EGLN2: variants seen among roughly 807,000 people sequenced by gnomAD.
EGLN2 encodes the protein egl-9 family hypoxia inducible factor 2.
EGLN2 carries 15 observed loss-of-function variants against 38.2 expected under a neutral mutation model. The ratio of observed to expected loss-of-function variants is 0.39; its 90% CI spans 0.26 to 0.60. The LOEUF is 0.60. Ranked by LOEUF, EGLN2 falls within the 20% of genes least tolerant of loss-of-function variation. EGLN2 has a pLI of 0.50. For synonymous variants in EGLN2, 284 were observed against 237.4 expected (o/e 1.20, Z -1.81); for missense variants, 492 against 570.4 (o/e 0.86, Z 1.40).
Position 40,800,904 on chromosome 19 carries a change from G to A in EGLN2, c.332G>A (p.Gly111Asp). The change falls in exon 2 of 6, where the codon GGC becomes GAC. Residue 111 changes from glycine to aspartate, a missense_variant. Physicochemically the swap from Gly to Asp is moderately conservative, Grantham distance 94. Coordinates refer to ENST00000303961, the MANE Select transcript of EGLN2 (RefSeq NM_080732.4). ...TKGCQRLAAQ[G>D]ARPEAPKRKW... ...GGGTGCCAGCGATTGGCAGCCCAGG[G>A]CGCACGGCCTGAGGCCCCCAAACGG... is the stretch of plus-strand genomic sequence containing the variant. 1 of 1,610,024 alleles carries A rather than the reference G, an allele frequency of 6.2e-7. No individual in the cohort carries two copies. Among genetic ancestry groups the A allele is most frequent in the South Asian group, 1.1e-5 (1 of 90,656 alleles).
rs915930847 is a variant in EGLN2, at chr19:40,800,495, G to A, written c.-78G>A. 45 of 1,468,330 alleles carry A rather than the reference G, an allele frequency of 3.1e-5. No individual in the cohort carries two copies. The Admixed American group carries it at 4.4e-4, about 14-fold the overall frequency. The allele number at this position is 1,468,330 out of a possible 1,614,324, so 91.0% of individuals were successfully genotyped here. ...GCCCCCAGCTGCATCAAGTGGAGGCGGAGGAGGAGGCGGAGGAGGGTGGCA... is the reference window on the plus strand; with the variant it reads ...GCCCCCAGCTGCATCAAGTGGAGGCAGAGGAGGAGGCGGAGGAGGGTGGCA... On this transcript the variant is annotated 5_prime_UTR_variant, in exon 2 of 6. Coordinates refer to ENST00000303961, the MANE Select transcript of EGLN2 (RefSeq NM_080732.4).
chr19:40,807,078 C>G, intron 3 of EGLN2, 60 bp from the exon 4 acceptor site: 1 of 1,601,262 alleles, frequency 6.2e-7, no homozygotes, highest in African/African-American at 1.3e-5. Flanking sequence ...TCCCGGGGCA[C>G]CGTGGGAGGC....
At position 40,808,273 on chromosome 19, in the gene EGLN2, C is replaced by T. The variant is rs2083320650; in HGVS notation, c.*409C>T. On this transcript the variant is annotated 3_prime_UTR_variant, in exon 6 of 6. Transcript: ENST00000303961. ...AGGAGTACCCCCAAGTCCTCTCACT[C>T]CTCCAGCCTGGAATGTGAAGTGACT... The T allele has an allele frequency of 2.4e-6, 1 of 415,844 alleles. No individual in the cohort carries two copies. The highest frequency in any genetic ancestry group is 2.0e-5 in the African/African-American group (1 of 48,908). The allele number at this position is 415,844 out of a possible 1,614,324, so 25.8% of individuals were successfully genotyped here.
In EGLN2 at chr19:40,807,085, A is replaced by G; in HGVS notation, c.964-53A>G. The G allele has an allele frequency of 1.9e-6, 3 of 1,602,666 alleles. No homozygotes were observed. The South Asian group carries it at 3.3e-5, about 18-fold the overall frequency. On this transcript the variant is annotated intron_variant, in intron 3 of 5. Coordinates refer to ENST00000303961, the MANE Select transcript of EGLN2 (RefSeq NM_080732.4). ...TAGTGGGCTCCCGGGGCACCGTGGG[A>G]GGCAGCGGCTCCTGGCCGTACCAGC... is the stretch of plus-strand genomic sequence containing the variant.
rs2083246095 is a variant in EGLN2 at position 40,800,455 on chromosome 19, A to C, written c.-118A>C. The C allele has an allele frequency of 7.0e-7, 1 of 1,419,718 alleles. No individual in the cohort carries two copies. Among genetic ancestry groups the C allele is most frequent in the South Asian group, 1.4e-5 (1 of 69,072 alleles). The allele number at this position is 1,419,718 out of a possible 1,614,324, so 87.9% of individuals were successfully genotyped here. On this transcript the variant is annotated 5_prime_UTR_variant, in exon 2 of 6. Coordinates refer to ENST00000303961, the MANE Select transcript of EGLN2 (RefSeq NM_080732.4). The stretch of plus-strand genomic sequence containing the variant: ...TGTCTGCCCTGCCTCACCCTGCCCC[A>C]CGCCAGGCCCGGTGGCCCCCAGCTG...
In EGLN2 at chr19:40,801,135, A is replaced by T. The variant is rs1247336395; in HGVS notation, c.563A>T (p.Tyr188Phe). Residue 188 changes from tyrosine (Y) to phenylalanine (F), a missense_variant, in exon 2 of 6, where the codon TAC becomes TTC. Physicochemically the swap from Tyr to Phe is conservative, Grantham distance 22 (BLOSUM62 3). Transcript: ENST00000303961. ...ALDYIVPCMR[Y>F]YGICVKDSFL... ...GACTATATCGTGCCCTGCATGCGGT[A>T]CTACGGCATCTGCGTCAAGGACAGC... 6.2e-7 allele frequency: 1 copy of T among 1,612,938 alleles called. No individual in the cohort carries two copies. The highest frequency in any genetic ancestry group is 8.5e-7 in the Non-Finnish European group (1 of 1,179,930).
In EGLN2 at chr19:40,807,478, C is replaced by T; in HGVS notation, c.1101-6C>T. On this transcript the variant is annotated splice_region_variant and splice_polypyrimidine_tract_variant and intron_variant, in intron 4 of 5. Coordinates refer to ENST00000303961, the MANE Select transcript of EGLN2 (RefSeq NM_080732.4). ...AAAACTAATGTCCAACCACCCTGGT[C>T]TCCAGGTACGCCATCACTGTCTGGT... The T allele has an allele frequency of 6.2e-7, 1 of 1,614,102 alleles. No individual in the cohort carries two copies. Among genetic ancestry groups the T allele is most frequent in the Non-Finnish European group, 8.5e-7 (1 of 1,179,984 alleles).
intron 2 of EGLN2, chr19:40,803,976 A>C (rs1447880155): frequency 6.6e-6 from 1 of 152,122 alleles, no homozygotes; most frequent in Non-Finnish European, 1.5e-5. Context: ...TGAGGGCAGG[A>C]AGTAGATACT....
intron 2 of EGLN2, among the ~76,000 whole-genome samples, chr19:40,802,887 C>T (rs989403523): frequency 6.6e-6 from 1 of 152,270 alleles, no homozygotes; most frequent in Admixed American, 6.5e-5. Flanking sequence ...CCTCCTCCTG[C>T]AGATCCCATC....
Position 40,801,121 on chromosome 19 carries a change from G to A in EGLN2, c.549G>A (p.Val183=), listed in dbSNP as rs1328742109. Residue 183 remains valine (V), a synonymous_variant, in exon 2 of 6, where the codon GTG becomes GTA. Coordinates refer to ENST00000303961, the MANE Select transcript of EGLN2 (RefSeq NM_080732.4). ...APERLALDYI[V]PCMRYYGICV... is the part of the protein sequence containing the mutation. ...AGCGCCTGGCCCTGGACTATATCGT[G>A]CCCTGCATGCGGTACTACGGCATCT... 3 of 1,612,680 alleles carry A rather than the reference G, an allele frequency of 1.9e-6. No homozygotes were observed. Among genetic ancestry groups the A allele is most frequent in the African/African-American group, 1.3e-5 (1 of 74,950 alleles).
At position 40,800,927 on chromosome 19, in the gene EGLN2, C is replaced by T. The variant is rs1014513026; in HGVS notation, c.355C>T (p.Arg119Trp). ...AQGARPEAPK[R>W]KWAEDGGDAP... ...GGGCGCACGGCCTGAGGCCCCCAAACGGAAATGGGCCGAGGATGGTGGGGA... is the reference window on the plus strand; with the variant it reads ...GGGCGCACGGCCTGAGGCCCCCAAATGGAAATGGGCCGAGGATGGTGGGGA... The change falls in exon 2 of 6, where the codon CGG becomes TGG. Residue 119 changes from arginine to tryptophan, a missense_variant. Physicochemically the swap from Arg to Trp is moderately radical, Grantham distance 101. Transcript: ENST00000303961. The T allele has an allele frequency of 2.5e-6, 4 of 1,609,700 alleles. No individual in the cohort carries two copies. The highest frequency in any genetic ancestry group is 2.5e-6 in the Non-Finnish European group (3 of 1,178,454).
chr19:40,806,762 C>A, intron 3 of EGLN2, 88 bp downstream of exon 3: 1 of 1,539,110 alleles, frequency 6.5e-7, no homozygotes, highest in Non-Finnish European at 8.9e-7. Context: ...CACTCTCAGC[C>A]CAGATTCTGG....
intron 3 of EGLN2, chr19:40,806,917 C>G: frequency 1.1e-6 from 1 of 925,914 alleles, no homozygotes; most frequent in South Asian, 1.7e-5. Flanking sequence ...CAGCCCCACC[C>G]GGCCTTGTAA....
At position 40,801,220 on chromosome 19, in the gene EGLN2, T is replaced by G. The variant is rs781532838; in HGVS notation, c.648T>G (p.Gly216=). The change falls in exon 2 of 6, where the codon GGT becomes GGG. Residue 216 remains glycine (G), a synonymous_variant. Transcript: ENST00000303961. ...CCGAGGTGGAGGCCCTCAAACGGGGTGGGCGCCTGCGAGACGGGCAGCTAG... is the reference window on the plus strand; with the variant it reads ...CCGAGGTGGAGGCCCTCAAACGGGGGGGGCGCCTGCGAGACGGGCAGCTAG... The part of the protein sequence containing the change: ...VLAEVEALKR[G]GRLRDGQLVS... 6.2e-7 allele frequency: 1 copy of G among 1,612,312 alleles called. No individual in the cohort carries two copies. The highest frequency in any genetic ancestry group is 1.1e-5 in the South Asian group (1 of 91,054).
chr19:40,806,666 G>C lies in EGLN2; in HGVS notation c.955G>C (p.Asp319His), dbSNP rs1568502946. ...TCIYYLNQNW[D>H]VKVHGGLLQI... is the part of the protein sequence containing the mutation. ...TATCTATTACCTGAATCAGAACTGG[G>C]ACGTTAAGGTAGGGGTGAGGGTGAG... The change falls in exon 3 of 6, where the codon GAC becomes CAC. Residue 319 changes from aspartate (D) to histidine (H), a missense_variant. Physicochemically the swap from Asp to His is moderately conservative, Grantham distance 81. Transcript: ENST00000303961. 1.2e-6 allele frequency: 2 copies of C among 1,614,036 alleles called. No individual in the cohort carries two copies. The highest frequency in any genetic ancestry group is 1.7e-6 in the Non-Finnish European group (2 of 1,179,964).
In EGLN2 at chr19:40,800,933, T is replaced by C; in HGVS notation, c.361T>C (p.Trp121Arg). 1.2e-6 allele frequency: 2 copies of C among 1,610,078 alleles called. No homozygotes were observed. Among genetic ancestry groups the C allele is most frequent in the Non-Finnish European group, 1.7e-6 (2 of 1,178,646 alleles). Reference protein sequence around the residue: ...GARPEAPKRKWAEDGGDAPSP... With the variant: ...GARPEAPKRKRAEDGGDAPSP... ...ACGGCCTGAGGCCCCCAAACGGAAA[T>C]GGGCCGAGGATGGTGGGGATGCCCC... The change falls in exon 2 of 6, where the codon TGG becomes CGG. Residue 121 changes from tryptophan (W) to arginine (R), a missense_variant. Trp to Arg is a moderately radical substitution (Grantham distance 101). Coordinates refer to ENST00000303961, the MANE Select transcript of EGLN2 (RefSeq NM_080732.4).
intron 2 of EGLN2, among the ~76,000 whole-genome samples, chr19:40,801,878 A>G (rs183323691): frequency 9.2e-4 from 140 of 151,868 alleles, no homozygotes; most frequent in African/African-American, 3.2e-3. Context: ...CTTAACGAGC[A>G]TGCTGCCTTC....
At chr19:40,799,347 G>A (rs2083232665) in intron 1 of EGLN2, 85 bp downstream of exon 1, 1 of 144,980 alleles carries the variant, frequency 6.9e-6, no homozygotes, top group Admixed American at 6.8e-5. Flanking sequence ...GGGTGTGGGG[G>A]CGCGCGCCGG....
chr19:40,801,786 C>G (rs1176839820), intron 2 of EGLN2, among the ~76,000 whole-genome samples: 2 of 150,572 alleles, frequency 1.3e-5, no homozygotes, highest in Admixed American at 1.3e-4. Context: ...ACAGAGGTCT[C>G]TGGTTTTCCT....
Sources: gnomAD v4.1 joint callset for allele counts (sites outside exome capture counted in the v4.1 genomes callset) on GRCh38, gnomAD v4.1.1 for gene constraint, MANE v1.5 for transcripts, NCBI Gene and HGNC (gene_info 2026-07-23, HGNC 2026-07-21) for gene names.